CERS6: variants seen among roughly 807,000 people sequenced by gnomAD.
CERS6 encodes the protein ceramide synthase 6.
CERS6 carries 26 observed loss-of-function variants against 56.8 expected under a neutral mutation model. The ratio of observed to expected loss-of-function variants is 0.46; its 90% CI spans 0.34 to 0.63. CERS6 has a LOEUF of 0.63. Among genes scored for constraint, CERS6 ranks in the 30% least tolerant of loss-of-function variants. The probability of loss-of-function intolerance (pLI) is 0.01; values close to 1 mark genes in which losing one functional copy is unlikely to be tolerated. For missense variants in CERS6, 415 were observed against 467.5 expected (o/e 0.89, Z 1.04); for synonymous variants, 164 against 173.3 (o/e 0.95, Z 0.42).
At chr2:168,566,649 CTAA>C (rs1259370885) in intron 3 of CERS6, among the ~76,000 whole-genome samples, 1 of 151,992 alleles carries the variant, frequency 6.6e-6, no homozygotes, top group Admixed American at 6.6e-5. Context: ...AAAGTGGAGC[CTAA>C]TAATTGATGA....
At chr2:168,551,859 G>A (rs1469178527) in intron 2 of CERS6, among the ~76,000 whole-genome samples, 3 of 152,060 alleles carry the variant, frequency 2.0e-5, no homozygotes, top group Non-Finnish European at 2.9e-5. Context: ...TGGTTATGTT[G>A]TTTCTTAACT....
At chr2:168,559,754 T>TATATATATATATATATATATATCTA in intron 2 of CERS6, among the ~76,000 whole-genome samples, 1 of 123,908 alleles carries the variant, frequency 8.1e-6, no homozygotes, top group Non-Finnish European at 1.8e-5. Flanking sequence ...TATATATATA[T>TATATATATATATATATATATATCTA]TTCACCCTTA....
At chr2:168,754,241 C>T (rs1217759851) in intron 8 of CERS6, among the ~76,000 whole-genome samples, 3 of 152,172 alleles carry the variant, frequency 2.0e-5, no homozygotes, top group Non-Finnish European at 2.9e-5. Flanking sequence ...CAGCATACTC[C>T]TTAGCATAGG....
chr2:168,631,682 T>C (rs1684740340), intron 4 of CERS6, among the ~76,000 whole-genome samples: 1 of 115,874 alleles, frequency 8.6e-6, no homozygotes, highest in South Asian at 2.3e-4. Flanking sequence ...TTTATATTTA[T>C]ATTTATATAT....
rs1684443392 is a variant in CERS6 at position 168,757,292 on chromosome 2, A to C, written c.846-8300A>C. ...GGTCAGGAGCGTAGGTAAGTAGACC[A>C]GGCAGTGGCAGAATTAAGAATGCAG... On this transcript the variant is annotated intron_variant, in intron 8 of 9. Coordinates refer to ENST00000305747, the MANE Select transcript of CERS6 (RefSeq NM_203463.3). Among the ~76,000 whole-genome samples, 4 of 151,796 alleles carry C rather than the reference A, an allele frequency of 2.6e-5. No individual in the cohort carries two copies. In the South Asian group the frequency reaches 6.3e-4, roughly 24 times the overall value.
At chr2:168,559,733 T>TTTTTTATATATATA (rs61031993) in intron 2 of CERS6, among the ~76,000 whole-genome samples, 1 of 66,246 alleles carries the variant, frequency 1.5e-5, no homozygotes, top group Admixed American at 1.8e-4. Flanking sequence ...TAGAAAGGTA[T>TTTTTTATATATATA]CATATATATA....
chr2:168,677,078 G>A (rs1198821256), intron 4 of CERS6, among the ~76,000 whole-genome samples: 23 of 145,826 alleles, frequency 1.6e-4, no homozygotes, highest in Non-Finnish European at 8.9e-5. Context: ...GTGCAGGTTC[G>A]TTACACAGGT....
At chr2:168,642,753 G>C (rs1242801989) in intron 4 of CERS6, among the ~76,000 whole-genome samples, 2 of 152,130 alleles carry the variant, frequency 1.3e-5, no homozygotes, top group Non-Finnish European at 1.5e-5. Context: ...GGCCTATATT[G>C]CTTAGGAGCA....
At chr2:168,572,530 G>A (rs550949221) in intron 3 of CERS6, among the ~76,000 whole-genome samples, 7 of 150,708 alleles carry the variant, frequency 4.6e-5, no homozygotes, top group East Asian at 1.9e-4. Context: ...AATATTTTAC[G>A]TATATATATA....
At chr2:168,595,117 TGAA>T (rs1172189853) in intron 3 of CERS6, among the ~76,000 whole-genome samples, 1 of 152,280 alleles carries the variant, frequency 6.6e-6, no homozygotes, top group East Asian at 1.9e-4. Context: ...CCCTCTGTCT[TGAA>T]GAGACAGAAG....
chr2:168,659,681 T>C (rs1336923410), intron 4 of CERS6, among the ~76,000 whole-genome samples: 1 of 152,126 alleles, frequency 6.6e-6, no homozygotes, highest in African/African-American at 2.4e-5. Context: ...GTCTGTATTG[T>C]CTGTTTTTTG....
intron 1 of CERS6, among the ~76,000 whole-genome samples, chr2:168,503,312 G>T (rs146289409): frequency 1.3e-5 from 2 of 152,218 alleles, no homozygotes; most frequent in African/African-American, 2.4e-5. Flanking sequence ...GTGTGAAAAT[G>T]GACTAATACA....
intron 6 of CERS6, among the ~76,000 whole-genome samples, chr2:168,714,450 C>T (rs917016052): frequency 3.9e-5 from 6 of 152,200 alleles, no homozygotes; most frequent in Admixed American, 1.3e-4. Context: ...CAATACCTGC[C>T]GAAGCCCCAA....
At position 168,715,071 on chromosome 2, in the gene CERS6, T is replaced by C. The variant is rs781249433; in HGVS notation, c.680T>C (p.Met227Thr). 2.5e-6 allele frequency: 4 copies of C among 1,613,028 alleles called. No individual in the cohort carries two copies. Among genetic ancestry groups the C allele is most frequent in the Non-Finnish European group, 3.4e-6 (4 of 1,179,400 alleles). The change falls in exon 7 of 10, where the codon ATG becomes ACG. Residue 227 changes from methionine to threonine, a missense_variant. Coordinates refer to ENST00000305747, the MANE Select transcript of CERS6 (RefSeq NM_203463.3). ...ATTACCTTTTCATATGTCAACAATA[T>C]GGCCCGAGTAGGAACGCTGGTCCTT... ...FLITFSYVNN[M>T]ARVGTLVLCL... is the part of the protein sequence containing the mutation.
intron 2 of CERS6, among the ~76,000 whole-genome samples, chr2:168,549,905 G>A (rs571278624): frequency 1.3e-5 from 2 of 152,264 alleles, no homozygotes; most frequent in South Asian, 4.1e-4. Flanking sequence ...GCGTTTGTGT[G>A]TGTGTGTGAA....
rs528777346 is a variant in CERS6 at position 168,770,856 on chromosome 2, G to C, written c.*1194G>C. The C allele has an allele frequency of 1.3e-5, 2 of 152,252 alleles. No homozygotes were observed. Among genetic ancestry groups the C allele is most frequent in the African/African-American group, 4.8e-5 (2 of 41,512 alleles). 9.4% of individuals were successfully genotyped at this position (152,252 alleles called of 1,614,324 possible). A position where few individuals can be genotyped will look rare whatever the true frequency, so the allele number is the denominator to read the frequency against. On this transcript the variant is annotated 3_prime_UTR_variant, in exon 10 of 10. Coordinates refer to ENST00000305747, the MANE Select transcript of CERS6 (RefSeq NM_203463.3). ...AGCATTACACTACAATGCTTCTTTG[G>C]TTTCCAGGAATTTTTTTCAAATGGG...
chr2:168,629,615 A>G (rs1182201812), intron 3 of CERS6, among the ~76,000 whole-genome samples: 1 of 152,156 alleles, frequency 6.6e-6, no homozygotes, highest in African/African-American at 2.4e-5. Flanking sequence ...TTCAACAACT[A>G]TTAAGAATTT....
chr2:168,708,853 A>G (rs1409267140), intron 6 of CERS6, among the ~76,000 whole-genome samples: 1 of 152,124 alleles, frequency 6.6e-6, no homozygotes, highest in Non-Finnish European at 1.5e-5. Context: ...AAGACACTGC[A>G]TAAAATTAAT....
intron 9 of CERS6, among the ~76,000 whole-genome samples, chr2:168,768,224 G>T (rs1166367085): frequency 6.6e-6 from 1 of 150,604 alleles, no homozygotes; most frequent in African/African-American, 2.4e-5. Flanking sequence ...AGTTTTTTTT[G>T]TTTTGTTTTG....
Sources: allele counts gnomAD v4.1 joint callset (sites outside exome capture counted in the v4.1 genomes callset), GRCh38; gene constraint gnomAD v4.1.1; transcripts MANE v1.5; gene names NCBI Gene and HGNC (gene_info 2026-07-23, HGNC 2026-07-21).